CDH12: variants seen among roughly 807,000 people sequenced by gnomAD.
The protein encoded by CDH12 is cadherin 12.
A neutral mutation model predicts 74.1 loss-of-function variants in CDH12; 41 were observed. The ratio of observed to expected loss-of-function variants is 0.55; its 90% CI spans 0.43 to 0.72. CDH12 has a LOEUF of 0.72. CDH12 is among the 30% of genes least tolerant of loss of function. The pLI is 0.00. For synonymous variants in CDH12, 399 were observed against 355.0 expected, an observed-to-expected ratio of 1.12 and a Z score of -1.39; for missense variants, 945 against 977.2, an observed-to-expected ratio of 0.97 and a Z score of 0.44.
chr5:22,174,165 C>A (rs535043507), intron 4 of CDH12, among the ~76,000 whole-genome samples: 1 of 151,932 alleles, frequency 6.6e-6, no homozygotes, highest in Non-Finnish European at 1.5e-5. Flanking sequence ...GCACAAGATT[C>A]ATTGGAAATT....
chr5:22,715,460 A>G (rs1743523540), intron 1 of CDH12, among the ~76,000 whole-genome samples: 1 of 152,160 alleles, frequency 6.6e-6, no homozygotes, highest in South Asian at 2.1e-4. Flanking sequence ...AGTACCAAAT[A>G]CTGTGATTGA....
At chr5:22,830,358 T>C (rs998099740) in intron 1 of CDH12, among the ~76,000 whole-genome samples, 4 of 152,166 alleles carry the variant, frequency 2.6e-5, no homozygotes, top group African/African-American at 9.6e-5. Flanking sequence ...TATACATGTA[T>C]ATATATGCCA....
At chr5:22,257,183 G>A (rs1753348089) in intron 3 of CDH12, among the ~76,000 whole-genome samples, 1 of 152,142 alleles carries the variant, frequency 6.6e-6, no homozygotes, top group Non-Finnish European at 1.5e-5. Flanking sequence ...AAAGTGCAGA[G>A]TAAGAGGAGG....
chr5:22,716,863 A>G (rs982816892), intron 1 of CDH12, among the ~76,000 whole-genome samples: 11 of 152,128 alleles, frequency 7.2e-5, no homozygotes, highest in Non-Finnish European at 1.2e-4. Context: ...AAAAAGAAAA[A>G]AAGATTATAG....
chr5:22,211,265 AAGC>A (rs1751519059), intron 4 of CDH12, among the ~76,000 whole-genome samples: 1 of 152,152 alleles, frequency 6.6e-6, no homozygotes, highest in African/African-American at 2.4e-5. Context: ...CTTTATACAA[AAGC>A]AGCTAGATAT....
chr5:22,432,910 G>A (rs1744232707), intron 2 of CDH12, among the ~76,000 whole-genome samples: 1 of 152,096 alleles, frequency 6.6e-6, no homozygotes, highest in South Asian at 2.1e-4. Context: ...TGGACGGCCA[G>A]AGTCAGTTGA....
At chr5:22,335,354 G>T (rs1739530145) in intron 3 of CDH12, among the ~76,000 whole-genome samples, 1 of 152,168 alleles carries the variant, frequency 6.6e-6, no homozygotes, top group South Asian at 2.1e-4. Context: ...TTTAAAAATG[G>T]GTGGGTGGAT....
intron 8 of CDH12, among the ~76,000 whole-genome samples, chr5:21,827,698 A>G (rs1224149953): frequency 1.3e-5 from 2 of 152,174 alleles, no homozygotes; most frequent in African/African-American, 4.8e-5. Flanking sequence ...CAAATAGGCT[A>G]TGGTACAAAA....
intron 1 of CDH12, among the ~76,000 whole-genome samples, chr5:22,555,276 A>G (rs1738750552): frequency 6.6e-6 from 1 of 152,078 alleles, no homozygotes; most frequent in South Asian, 2.1e-4. Flanking sequence ...CTAGAAAGCA[A>G]GAAAAGCCAT....
chr5:22,105,328 C>T (rs539179585), intron 4 of CDH12, among the ~76,000 whole-genome samples: 8 of 151,010 alleles, frequency 5.3e-5, no homozygotes, highest in African/African-American at 9.7e-5. Flanking sequence ...CTCCTGACCT[C>T]GTGATCCGCC....
At chr5:22,520,856 T>C (rs974602968) in intron 1 of CDH12, among the ~76,000 whole-genome samples, 1 of 152,158 alleles carries the variant, frequency 6.6e-6, no homozygotes, top group African/African-American at 2.4e-5. Context: ...GGATCATACT[T>C]TGTTTAGTTA....
At chr5:22,493,675 A>G (rs1746983564) in intron 2 of CDH12, among the ~76,000 whole-genome samples, 1 of 152,098 alleles carries the variant, frequency 6.6e-6, no homozygotes, top group Non-Finnish European at 1.5e-5. Context: ...ATAAAAGAGG[A>G]GAAAGCCATT....
chr5:21,817,236 G>C (rs909185500), intron 8 of CDH12, 104 bp from the exon 9 acceptor site: 25 of 710,880 alleles, frequency 3.5e-5, no homozygotes, highest in Non-Finnish European at 4.5e-6. Context: ...ATCACATTTA[G>C]AACATTATAG....
At chr5:21,897,277 C>T (rs1291888158) in intron 6 of CDH12, among the ~76,000 whole-genome samples, 1 of 152,156 alleles carries the variant, frequency 6.6e-6, no homozygotes, top group Non-Finnish European at 1.5e-5. Flanking sequence ...TTGGTCAGTA[C>T]TATAGGCTTC....
intron 4 of CDH12, among the ~76,000 whole-genome samples, chr5:22,191,830 C>T (rs1257813083): frequency 1.3e-5 from 2 of 152,048 alleles, no homozygotes; most frequent in African/African-American, 4.8e-5. Context: ...TCCCAAAGTG[C>T]TGGGATTACA....
At chr5:21,905,028 A>G (rs1753571666) in intron 6 of CDH12, among the ~76,000 whole-genome samples, 1 of 152,202 alleles carries the variant, frequency 6.6e-6, no homozygotes, top group East Asian at 1.9e-4. Context: ...CAGCTATAAA[A>G]GCATTTGCAT....
intron 2 of CDH12, among the ~76,000 whole-genome samples, chr5:22,470,411 A>C (rs921375502): frequency 2.2e-5 from 3 of 137,038 alleles, no homozygotes; most frequent in African/African-American, 8.1e-5. Flanking sequence ...ATTTTATTTT[A>C]TTTTATTTAT....
intron 9 of CDH12, among the ~76,000 whole-genome samples, chr5:21,813,195 G>A (rs1256557079): frequency 6.6e-6 from 1 of 152,000 alleles, no homozygotes. Context: ...AGGGTAAGGC[G>A]AGGCCAGGTG....
intron 4 of CDH12, among the ~76,000 whole-genome samples, chr5:22,205,557 G>T (rs1447086454): frequency 6.6e-6 from 1 of 151,852 alleles, no homozygotes; most frequent in Non-Finnish European, 1.5e-5. Flanking sequence ...ATAGATTTTA[G>T]CAATAAGAAA....
Sources: allele counts gnomAD v4.1 joint callset (sites outside exome capture counted in the v4.1 genomes callset), GRCh38; gene constraint gnomAD v4.1.1; transcripts MANE v1.5; gene names NCBI Gene and HGNC (gene_info 2026-07-23, HGNC 2026-07-21).